ALPK1: variants seen among roughly 807,000 people sequenced by gnomAD.
The protein encoded by ALPK1 is alpha-protein kinase 1.
A neutral mutation model predicts 120.6 loss-of-function variants in ALPK1; 110 were observed. That is an observed-to-expected ratio of 0.91 (90% confidence interval 0.78 to 1.07). The LOEUF is 1.07. Among genes scored for constraint, ALPK1 ranks in the 50% least tolerant of loss-of-function variants. ALPK1 has a pLI of 0.00. For synonymous variants in ALPK1, 582 were observed against 560.3 expected (o/e 1.04, Z -0.55); for missense variants, 1,498 against 1,483.9 (o/e 1.01, Z -0.16).
At chr4:112,359,021 T>C in intron 2 of ALPK1, 1 of 765,498 alleles carries the variant, frequency 1.3e-6, no homozygotes, top group Non-Finnish European at 2.4e-6. Flanking sequence ...GCTGTGGCTA[T>C]CGGCCAGAGC....
At chr4:112,309,516 C>T (rs142616127) in intron 1 of ALPK1, among the ~76,000 whole-genome samples, 1,873 of 152,210 alleles carry the variant, frequency 0.012, 51 homozygotes, top group African/African-American at 0.043. Flanking sequence ...TAGCAATGAG[C>T]GAGGCTCCGT....
intron 4 of ALPK1, among the ~76,000 whole-genome samples, chr4:112,387,537 A>C (rs1732207182): frequency 6.6e-6 from 1 of 152,200 alleles, no homozygotes; most frequent in South Asian, 2.1e-4. Flanking sequence ...TGAGGACATG[A>C]AGCAGGCTCA....
At chr4:112,433,508 C>A (rs984184186) in intron 11 of ALPK1, among the ~76,000 whole-genome samples, 1 of 152,154 alleles carries the variant, frequency 6.6e-6, no homozygotes, top group African/African-American at 2.4e-5. Context: ...ACTACAGTAC[C>A]CCTACTGTTG....
chr4:112,328,953 C>T (rs1341818463), intron 2 of ALPK1, among the ~76,000 whole-genome samples: 2 of 152,204 alleles, frequency 1.3e-5, no homozygotes, highest in African/African-American at 4.8e-5. Flanking sequence ...AGGGACGTCA[C>T]TAGGCTTCCA....
chr4:112,343,842 T>C (rs1205677090), intron 2 of ALPK1, among the ~76,000 whole-genome samples: 1 of 150,390 alleles, frequency 6.6e-6, no homozygotes, highest in Admixed American at 6.7e-5. Flanking sequence ...AGCACATTCA[T>C]GCCCATCTGT....
intron 1 of ALPK1, among the ~76,000 whole-genome samples, chr4:112,311,838 G>T (rs1728413935): frequency 6.6e-6 from 1 of 152,216 alleles, no homozygotes; most frequent in Admixed American, 6.5e-5. Flanking sequence ...GTAGGTCGGG[G>T]CAGGCAGAGT....
At chr4:112,403,315 T>G (rs1733008507) in intron 4 of ALPK1, among the ~76,000 whole-genome samples, 1 of 152,122 alleles carries the variant, frequency 6.6e-6, no homozygotes, top group South Asian at 2.1e-4. Flanking sequence ...AAGTGGGTAT[T>G]AATTTCTCAG....
In ALPK1 at chr4:112,441,151, A is replaced by T. The variant is rs758578321; in HGVS notation, c.3727+46A>T. ...ATTGGTAATGTGACAGACCTTAGTGATGCTCTCAAATATCTGGTGATGCTC... is the reference window on the plus strand; with the variant it reads ...ATTGGTAATGTGACAGACCTTAGTGTTGCTCTCAAATATCTGGTGATGCTC... On this transcript the variant is annotated intron_variant, in intron 15 of 15. Transcript: ENST00000650871. 2.7e-5 allele frequency: 44 copies of T among 1,613,708 alleles called. No homozygotes were observed. In the South Asian group the frequency reaches 4.2e-4, roughly 15 times the overall value.
intron 4 of ALPK1, among the ~76,000 whole-genome samples, chr4:112,409,925 A>C (rs887506139): frequency 1.3e-5 from 2 of 152,222 alleles, no homozygotes; most frequent in African/African-American, 4.8e-5. Flanking sequence ...AGAGTAAAAA[A>C]TTTTATACTT....
rs777634886 is a variant in ALPK1 at position 112,431,571 on chromosome 4, C to T, written c.2024C>T (p.Ser675Leu). ...CAACAGATGCCCTTGACACCCTTCT[C>T]GCCTCATAATACCCCAGGCATTTTC... ...PQQQMPLTPF[S>L]PHNTPGIFLA... The change falls in exon 11 of 16, where the codon TCG becomes TTG. Residue 675 changes from serine (S) to leucine (L), a missense_variant. Coordinates refer to ENST00000650871, the MANE Select transcript of ALPK1 (RefSeq NM_025144.4). 1.5e-5 allele frequency: 24 copies of T among 1,614,036 alleles called. No individual in the cohort carries two copies. The highest frequency in any genetic ancestry group is 1.1e-4 in the African/African-American group (8 of 74,914).
chr4:112,318,134 C>G (rs1309562718), intron 2 of ALPK1, among the ~76,000 whole-genome samples: 1 of 152,184 alleles, frequency 6.6e-6, no homozygotes, highest in African/African-American at 2.4e-5. Flanking sequence ...TATATACTTA[C>G]ACTACTTTTG....
intron 2 of ALPK1, among the ~76,000 whole-genome samples, chr4:112,339,413 C>T (rs539208183): frequency 6.6e-6 from 1 of 152,236 alleles, no homozygotes; most frequent in East Asian, 1.9e-4. Context: ...TCTTCAATAG[C>T]AATTTTTACA....
At chr4:112,343,762 CT>C (rs1330618806) in intron 2 of ALPK1, among the ~76,000 whole-genome samples, 8 of 149,188 alleles carry the variant, frequency 5.4e-5, no homozygotes, top group African/African-American at 2.0e-4. Context: ...CTTCTCCCCC[CT>C]ACCCCCGTTA....
intron 4 of ALPK1, among the ~76,000 whole-genome samples, chr4:112,409,216 G>A (rs935425830): frequency 4.6e-5 from 7 of 152,226 alleles, no homozygotes; most frequent in Middle Eastern, 3.4e-3. Context: ...TGATCTGGTC[G>A]TGGGGTGGAG....
chr4:112,439,535 G>A, intron 13 of ALPK1, 151 bp from the exon 14 acceptor site: 1 of 573,006 alleles, frequency 1.7e-6, no homozygotes, highest in Non-Finnish European at 3.0e-6. Context: ...AAGCCTAAAA[G>A]GTAGTTATAA....
chr4:112,431,712 G>A lies in ALPK1; in HGVS notation c.2165G>A (p.Trp722Ter), dbSNP rs1377670320. 6.2e-7 allele frequency: 1 copy of A among 1,614,186 alleles called. No individual in the cohort carries two copies. Among genetic ancestry groups the A allele is most frequent in the Non-Finnish European group, 8.5e-7 (1 of 1,180,028 alleles). ...AGACCCTCATATCGTTCTGCTTCTTGGTCTTCTGATTCTGGTAGGCCCAAG... is the reference window on the plus strand; with the variant it reads ...AGACCCTCATATCGTTCTGCTTCTTAGTCTTCTGATTCTGGTAGGCCCAAG... ...HSRPSYRSAS[W>*]SSDSGRPKNM... is the part of the protein sequence containing the mutation. Residue 722 changes from tryptophan (W) to a stop codon, truncating the protein, a stop_gained, in exon 11 of 16, where the codon TGG becomes TAG. Transcript: ENST00000650871. LOFTEE classifies it high-confidence loss of function.
At chr4:112,399,417 A>G (rs1452911648) in intron 4 of ALPK1, among the ~76,000 whole-genome samples, 1 of 152,174 alleles carries the variant, frequency 6.6e-6, no homozygotes, top group Non-Finnish European at 1.5e-5. Context: ...AAGAATAGGT[A>G]CAGTGAAGTG....
rs147242881 is a variant in ALPK1, at chr4:112,365,725, C to T, written c.-100-11953C>T. 4.8e-3 allele frequency among the ~76,000 whole-genome samples: 723 copies of T among 152,114 alleles called. 6 individuals are homozygous for T. Among genetic ancestry groups the T allele is most frequent in the African/African-American group, 0.016 (685 of 41,520 alleles). Reference sequence around the variant, plus strand: ...AAACAATCCTAAAATTCATATGGAACCAAAAAAGAGACCGCATAGTCAAAG... The same window carrying T: ...AAACAATCCTAAAATTCATATGGAATCAAAAAAGAGACCGCATAGTCAAAG... On this transcript the variant is annotated intron_variant, in intron 2 of 15. Coordinates refer to ENST00000650871, the MANE Select transcript of ALPK1 (RefSeq NM_025144.4).
intron 5 of ALPK1, among the ~76,000 whole-genome samples, chr4:112,418,439 A>G (rs982420296): frequency 1.4e-4 from 22 of 152,248 alleles, no homozygotes; most frequent in Non-Finnish European, 2.8e-4. Flanking sequence ...GACCCTCTGC[A>G]CAATGAGGAG....
Sources: allele counts gnomAD v4.1 joint callset (sites outside exome capture counted in the v4.1 genomes callset), GRCh38; gene constraint gnomAD v4.1.1; transcripts MANE v1.5; gene names NCBI Gene and HGNC (gene_info 2026-07-23, HGNC 2026-07-21).